Variants in EEF1A2 observed in about 807,000 individuals in gnomAD.
EEF1A2 encodes elongation factor 1-alpha 2.
In EEF1A2, 5 loss-of-function variants were observed where a neutral mutation model predicts 39.3. That is an observed-to-expected ratio of 0.13 (90% CI 0.07 to 0.27). The LOEUF (loss-of-function observed/expected upper bound fraction) is 0.27. Among genes scored for constraint, EEF1A2 ranks in the 10% least tolerant of loss-of-function variants. EEF1A2 has a pLI of 1.00. For missense variants in EEF1A2, 218 were observed against 681.4 expected, an observed-to-expected ratio of 0.32 and a Z score of 7.57; for synonymous variants, 287 against 293.7, an observed-to-expected ratio of 0.98 and a Z score of 0.23.
chr20:63,495,789 G>A, intron 3 of EEF1A2, 67 bp downstream of exon 3: 3 of 1,570,488 alleles, frequency 1.9e-6, no homozygotes, highest in African/African-American at 1.3e-5. Context: ...TGACCCCAGG[G>A]GCCCCCAGTG....
intron 5 of EEF1A2, 138 bp from the exon 6 acceptor site, chr20:63,490,873 G>A: frequency 9.6e-7 from 1 of 1,039,450 alleles, no homozygotes; most frequent in Non-Finnish European, 1.4e-6. Flanking sequence ...GGCCACATGG[G>A]CGGAGTGCAG....
intron 6 of EEF1A2, 73 bp from the exon 7 acceptor site, chr20:63,489,225 G>A: frequency 1.4e-6 from 2 of 1,476,262 alleles, no homozygotes; most frequent in Non-Finnish European, 1.8e-6. Flanking sequence ...AGCGGGGCTG[G>A]GAGGCCCAGT....
chr20:63,492,534 AAGG>A (rs2082392482), intron 5 of EEF1A2, among the ~76,000 whole-genome samples: 4 of 16,464 alleles, frequency 2.4e-4, no homozygotes, highest in Admixed American at 5.6e-4. Flanking sequence ...GGATGGATGG[AAGG>A]ATGGATGGAT....
chr20:63,494,797 C>T lies in EEF1A2; in HGVS notation c.621+8G>A. On this transcript the variant is annotated splice_region_variant and intron_variant, in intron 4 of 7. Transcript: ENST00000217182. ...CCCGTGGCCCGCCCCGCCCTAGCCGCCACTCACGTTGGGGGAGGGCTCCAG... is the reference window on the plus strand; with the variant it reads ...CCCGTGGCCCGCCCCGCCCTAGCCGTCACTCACGTTGGGGGAGGGCTCCAG... 3 of 1,606,254 alleles carry T rather than the reference C, an allele frequency of 1.9e-6. No homozygotes were observed. The highest frequency in any genetic ancestry group is 2.6e-6 in the Non-Finnish European group (3 of 1,175,970).
At chr20:63,494,662 A>C in intron 4 of EEF1A2, 143 bp downstream of exon 4, 1 of 1,200,962 alleles carries the variant, frequency 8.3e-7, no homozygotes, top group Non-Finnish European at 1.1e-6. Context: ...TGAGCCAGTT[A>C]GGGAAACCCA....
Position 63,488,829 on chromosome 20 carries a change from C to A in EEF1A2, c.1264+89G>T. The A allele has an allele frequency of 3.6e-6, 5 of 1,402,140 alleles. No individual in the cohort carries two copies. The South Asian group carries it at 6.3e-5, about 18-fold the overall frequency. 86.9% of individuals were successfully genotyped at this position (1,402,140 alleles called of 1,614,324 possible). A position where few individuals can be genotyped will look rare whatever the true frequency, so the allele number is the denominator to read the frequency against. On this transcript the variant is annotated intron_variant, in intron 7 of 7. Coordinates refer to ENST00000217182, the MANE Select transcript of EEF1A2 (RefSeq NM_001958.5). The stretch of plus-strand genomic sequence containing the variant: ...CGCAGGAAAGGGGGCCCACTGCTGT[C>A]CCCAGCGCCCCATCCCCGCAGTCCT...
intron 3 of EEF1A2, among the ~76,000 whole-genome samples, chr20:63,495,507 C>G (rs78680402): frequency 0.062 from 9,485 of 152,204 alleles, 956 homozygotes; most frequent in African/African-American, 0.21. Context: ...AAATGTCATA[C>G]AGTCTACACC....
rs986134836 is a variant in EEF1A2, at chr20:63,498,149, C to A, written c.-71-315G>T. The A allele has an allele frequency of 2.4e-5, 4 of 165,434 alleles. No individual in the cohort carries two copies. The highest frequency in any genetic ancestry group is 6.3e-5 in the Admixed American group (1 of 15,934). The allele number at this position is 165,434 out of a possible 1,614,324, so 10.2% of individuals were successfully genotyped here. A position where few individuals can be genotyped will look rare whatever the true frequency, so the allele number is the denominator to read the frequency against. ...AGACCACGCAGCGCCAGGCTGGGTA[C>A]GTCCGTGACCAGCAGAGCCGGGTGA... is the stretch of plus-strand genomic sequence containing the variant. On this transcript the variant is annotated intron_variant, in intron 1 of 7. Transcript: ENST00000217182. The surrounding 1 kb of genome is among the most constrained non-coding windows in gnomAD (Gnocchi z 4.1).
chr20:63,496,271 T>C (rs763901175), intron 2 of EEF1A2: 87 of 559,938 alleles, frequency 1.6e-4, no homozygotes, highest in Non-Finnish European at 2.3e-4. Context: ...GCTACGCAGG[T>C]CCACCAGCAG....
intron 5 of EEF1A2, among the ~76,000 whole-genome samples, chr20:63,491,759 T>C (rs1190741282): frequency 6.8e-6 from 1 of 147,832 alleles, no homozygotes; most frequent in South Asian, 2.2e-4. Flanking sequence ...GATGGATGGA[T>C]GGATTGGTGG....
At position 63,488,207 on chromosome 20, in the gene EEF1A2, C is replaced by T. The variant is rs2082360758; in HGVS notation, c.*91G>A. 1.3e-6 allele frequency: 1 copy of T among 793,332 alleles called. No homozygotes were observed. Among genetic ancestry groups the T allele is most frequent in the Non-Finnish European group, 1.4e-6 (1 of 703,744 alleles). The allele number at this position is 793,332 out of a possible 1,614,324, so 49.1% of individuals were successfully genotyped here. A position where few individuals can be genotyped will look rare whatever the true frequency, so the allele number is the denominator to read the frequency against. On this transcript the variant is annotated 3_prime_UTR_variant, in exon 8 of 8. Coordinates refer to ENST00000217182, the MANE Select transcript of EEF1A2 (RefSeq NM_001958.5). The stretch of plus-strand genomic sequence containing the variant: ...CTGGCGGGGGTGCGGGGCGCCGGAC[C>T]GGCGCGCGGGGCGGGGGCGGGGCGG...
At chr20:63,496,288 C>G in intron 2 of EEF1A2, 2 of 544,252 alleles carry the variant, frequency 3.7e-6, no homozygotes, top group Non-Finnish European at 6.6e-6. Context: ...GCAGGTGGCG[C>G]AAGGGCCTGG....
At chr20:63,492,539 TGGATGGATGGATAGAGA>T (rs2082392651) in intron 5 of EEF1A2, among the ~76,000 whole-genome samples, 23 of 145,730 alleles carry the variant, frequency 1.6e-4, no homozygotes, top group South Asian at 4.4e-4. Context: ...GATGGAAGGA[TGGATGGATGGATAGAGA>T]GAAGGATGGA....
chr20:63,498,348 C>T lies in EEF1A2; in HGVS notation c.-71-514G>A, dbSNP rs2082427850. On this transcript the variant is annotated intron_variant, in intron 1 of 7. Coordinates refer to ENST00000217182, the MANE Select transcript of EEF1A2 (RefSeq NM_001958.5). The surrounding 1 kb of genome is among the most constrained non-coding windows in gnomAD (Gnocchi z 4.1). ...GGCGCCATCTTCCCCTCATCCCTGCCCGGCAGGCTGGGCCAGAGCCCCGAC... is the reference window on the plus strand; with the variant it reads ...GGCGCCATCTTCCCCTCATCCCTGCTCGGCAGGCTGGGCCAGAGCCCCGAC... 2.0e-5 allele frequency: 3 copies of T among 152,498 alleles called. No individual in the cohort carries two copies. Among genetic ancestry groups the T allele is most frequent in the African/African-American group, 7.2e-5 (3 of 41,444 alleles). The allele number at this position is 152,498 out of a possible 1,614,324, so 9.4% of individuals were successfully genotyped here.
intron 3 of EEF1A2, among the ~76,000 whole-genome samples, chr20:63,495,303 C>G (rs942733549): frequency 1.3e-5 from 2 of 152,238 alleles, no homozygotes; most frequent in East Asian, 3.8e-4. Context: ...GTCAGGGGAC[C>G]GAGGTTCAGC....
At chr20:63,492,434 A>G in intron 5 of EEF1A2, among the ~76,000 whole-genome samples, 1 of 145,260 alleles carries the variant, frequency 6.9e-6, no homozygotes, top group African/African-American at 2.6e-5. Flanking sequence ...AGAAGGATGG[A>G]TGGTTGAGAC....
At chr20:63,490,845 G>A (rs921143926) in intron 5 of EEF1A2, 110 bp from the exon 6 acceptor site, 13 of 1,346,422 alleles carry the variant, frequency 9.7e-6, no homozygotes, top group African/African-American at 7.2e-5. Flanking sequence ...GGATCCCCCC[G>A]ACAGGCCTGG....
In EEF1A2 at chr20:63,488,421, G is replaced by A. The variant is rs900643414; in HGVS notation, c.1269C>T (p.Arg423=). ...ESFSQYPPLG[R]FAVRDMRQTV... is the part of the protein sequence containing the mutation. Reference sequence around the variant, plus strand: ...TCTGCCTCATGTCGCGCACGGCGAAGCGGCCTGGGGGGCGGGGGGCGGCGT... The same window carrying A: ...TCTGCCTCATGTCGCGCACGGCGAAACGGCCTGGGGGGCGGGGGGCGGCGT... The change falls in exon 8 of 8, where the codon CGC becomes CGT. Residue 423 remains arginine, a synonymous_variant. Coordinates refer to ENST00000217182, the MANE Select transcript of EEF1A2 (RefSeq NM_001958.5). The A allele has an allele frequency of 4.1e-6, 6 of 1,453,814 alleles. No individual in the cohort carries two copies. In the African/African-American group the frequency reaches 7.4e-5, roughly 18 times the overall value. The allele number at this position is 1,453,814 out of a possible 1,614,324, so 90.1% of individuals were successfully genotyped here.
At chr20:63,495,828 C>G (rs770600171) in intron 3 of EEF1A2, 28 bp downstream of exon 3, 1 of 1,609,674 alleles carries the variant, frequency 6.2e-7, no homozygotes. Flanking sequence ...GGCCTCTCCC[C>G]CAGCCCCGCC....
Sources: gnomAD v4.1 joint callset for allele counts (sites outside exome capture counted in the v4.1 genomes callset) on GRCh38, gnomAD v4.1.1 for gene constraint, Gnocchi (gnomAD v3.1) non-coding constraint, MANE v1.5 for transcripts, NCBI Gene and HGNC (gene_info 2026-07-23, HGNC 2026-07-21) for gene names.